Variants in RBM19 observed in about 807,000 individuals in gnomAD.
RBM19 encodes the protein RNA binding motif protein 19.
Under a neutral mutation model 116.8 loss-of-function variants are expected in RBM19, and 94 were observed. The observed-to-expected ratio is 0.80, with a 90% CI of 0.68 to 0.95. The LOEUF is 0.95. RBM19 is among the 40% of genes least tolerant of loss of function. RBM19 has a pLI of 0.00. For missense variants in RBM19, 1,161 were observed against 1,220.7 expected (o/e 0.95, Z 0.73); for synonymous variants, 475 against 494.1 (o/e 0.96, Z 0.51).
intron 8 of RBM19, 26 bp downstream of exon 8, chr12:113,952,486 C>T (rs1356701311): frequency 2.5e-6 from 4 of 1,594,322 alleles, no homozygotes; most frequent in Admixed American, 1.7e-5. Context: ...ACCCGCCTTC[C>T]CACCTGGAAA....
chr12:113,924,947 G>A (rs776840368), intron 17 of RBM19, among the ~76,000 whole-genome samples, 190 bp from the exon 18 acceptor site: 8 of 152,112 alleles, frequency 5.3e-5, no homozygotes, highest in Non-Finnish European at 7.3e-5. Context: ...AAGAGCAGCT[G>A]GGCTTGTTTC....
At chr12:113,847,449 C>T (rs939421348) in intron 22 of RBM19, among the ~76,000 whole-genome samples, 6 of 152,036 alleles carry the variant, frequency 3.9e-5, no homozygotes, top group African/African-American at 1.5e-4. Flanking sequence ...CCGAAATGGC[C>T]CATTCAGAGC....
At chr12:113,860,892 T>G (rs879493218) in intron 21 of RBM19, among the ~76,000 whole-genome samples, 1 of 152,154 alleles carries the variant, frequency 6.6e-6, no homozygotes, top group Non-Finnish European at 1.5e-5. Flanking sequence ...AGCCTGAAGG[T>G]GTTTTGGAAC....
At chr12:113,944,861 AAAAATG>A (rs1165667228) in intron 13 of RBM19, among the ~76,000 whole-genome samples, 1,615 of 107,660 alleles carry the variant, frequency 0.015, 1 homozygote, top group African/African-American at 0.06. Context: ...ATGTATATAT[AAAAATG>A]TATATATATA....
chr12:113,901,023 GT>G (rs1253072227), intron 21 of RBM19, among the ~76,000 whole-genome samples: 3 of 152,162 alleles, frequency 2.0e-5, no homozygotes, highest in Admixed American at 2.0e-4. Context: ...GCCTAAGAAA[GT>G]TCCGCACTGG....
At chr12:113,952,659 G>A in intron 7 of RBM19, 69 bp from the exon 8 acceptor site, 1 of 1,250,844 alleles carries the variant, frequency 8.0e-7, no homozygotes, top group Non-Finnish European at 1.2e-6. Context: ...AAAGACATGG[G>A]GCAAATTTCT....
chr12:113,960,613 T>C (rs1203052734), intron 2 of RBM19, among the ~76,000 whole-genome samples: 1 of 152,206 alleles, frequency 6.6e-6, no homozygotes, highest in Non-Finnish European at 1.5e-5. Context: ...CTCTGGGCTC[T>C]GGAACCTGAG....
intron 17 of RBM19, among the ~76,000 whole-genome samples, chr12:113,926,438 A>G (rs2135877185): frequency 6.6e-6 from 1 of 152,248 alleles, no homozygotes; most frequent in South Asian, 2.1e-4. Flanking sequence ...CAGTCTCCTG[A>G]GGGAGGTGCC....
At chr12:113,878,662 CA>C (rs1879845175) in intron 21 of RBM19, among the ~76,000 whole-genome samples, 2 of 151,572 alleles carry the variant, frequency 1.3e-5, no homozygotes, top group African/African-American at 4.9e-5. Flanking sequence ...CACACACACA[CA>C]CACACACACC....
rs58175905 is a variant in RBM19 at position 113,854,115 on chromosome 12, G to A, written c.2664+4676C>T. On this transcript the variant is annotated intron_variant, in intron 22 of 23. Transcript: ENST00000261741. ...TAGATTTTTCCCAGCTCTGCCAAGTGCCACTATAAGATCTTCAGCAAGCAA... is the reference window on the plus strand; with the variant it reads ...TAGATTTTTCCCAGCTCTGCCAAGTACCACTATAAGATCTTCAGCAAGCAA... 6.5e-3 allele frequency among the ~76,000 whole-genome samples: 996 copies of A among 152,150 alleles called. 12 individuals are homozygous for A. The highest frequency in any genetic ancestry group is 0.022 in the African/African-American group (926 of 41,504).
rs959676580 is a variant in RBM19, at chr12:113,914,138, A to G, written c.2558+831T>C. ...CAGGCCAGACTTGTTTTGTTTTTAA[A>G]AAGTGAATTAGTTGCTGATGAATTC... On this transcript the variant is annotated intron_variant, in intron 21 of 23. Transcript: ENST00000261741. 1.6e-4 allele frequency among the ~76,000 whole-genome samples: 24 copies of G among 152,246 alleles called. 1 individual carries two copies. Among genetic ancestry groups the G allele is most frequent in the Admixed American group, 8.5e-4 (13 of 15,288 alleles).
At chr12:113,892,122 A>G (rs927176658) in intron 21 of RBM19, among the ~76,000 whole-genome samples, 4 of 152,174 alleles carry the variant, frequency 2.6e-5, no homozygotes, top group African/African-American at 9.7e-5. Context: ...GAAGGATAAG[A>G]GGCTCTCAGC....
At chr12:113,884,105 T>C (rs2135793535) in intron 21 of RBM19, among the ~76,000 whole-genome samples, 1 of 92,212 alleles carries the variant, frequency 1.1e-5, no homozygotes, top group Non-Finnish European at 2.3e-5. Context: ...GGATACTCCA[T>C]CTCTACCAAA....
intron 21 of RBM19, among the ~76,000 whole-genome samples, chr12:113,906,986 C>T (rs1261400821): frequency 6.6e-6 from 1 of 152,050 alleles, no homozygotes; most frequent in Non-Finnish European, 1.5e-5. Context: ...CCATGCCAAG[C>T]AATAGCAGGG....
At position 113,947,467 on chromosome 12, in the gene RBM19, G is replaced by A. The variant is rs763762032; in HGVS notation, c.1277-3C>T. 3 of 1,592,478 alleles carry A rather than the reference G, an allele frequency of 1.9e-6. No homozygotes were observed. In the African/African-American group the frequency reaches 4.0e-5, roughly 21 times the overall value. On this transcript the variant is annotated splice_region_variant and splice_polypyrimidine_tract_variant and intron_variant, in intron 10 of 23. Coordinates refer to ENST00000261741, the MANE Select transcript of RBM19 (RefSeq NM_016196.4). ...GTAGTGGAGCTCAGACAGGGGACCTGAGGACAGGAGAAGTGTCGGTCTCTG... is the reference window on the plus strand; with the variant it reads ...GTAGTGGAGCTCAGACAGGGGACCTAAGGACAGGAGAAGTGTCGGTCTCTG...
At chr12:113,947,906 T>C (rs961909814) in intron 10 of RBM19, among the ~76,000 whole-genome samples, 2 of 152,204 alleles carry the variant, frequency 1.3e-5, no homozygotes, top group Non-Finnish European at 2.9e-5. Flanking sequence ...CTCTGGGTCT[T>C]TCCTTCCCAA....
At chr12:113,928,256 G>A (rs1316188122) in intron 16 of RBM19, among the ~76,000 whole-genome samples, 1 of 152,124 alleles carries the variant, frequency 6.6e-6, no homozygotes, top group Non-Finnish European at 1.5e-5. Flanking sequence ...AGAATTGCTC[G>A]AACCTGGGAG....
chr12:113,957,938 T>C lies in RBM19; in HGVS notation c.684A>G (p.Glu228=). Residue 228 remains glutamate (E), a synonymous_variant, in exon 6 of 24, where the codon GAA becomes GAG. Transcript: ENST00000261741. The part of the protein sequence containing the change: ...AGSSSSSEEE[E]SEDEAVHCDE... ...CACAGTGCACGGCTTCATCTTCACT[T>C]TCCTCTTCCTCCGAGGAAGAGGACG... The C allele has an allele frequency of 6.2e-7, 1 of 1,614,158 alleles. No individual in the cohort carries two copies. Among genetic ancestry groups the C allele is most frequent in the African/African-American group, 1.3e-5 (1 of 75,048 alleles).
At chr12:113,830,593 G>GGGGC (rs1875325701) in intron 23 of RBM19, among the ~76,000 whole-genome samples, 1 of 58,008 alleles carries the variant, frequency 1.7e-5, no homozygotes, top group Non-Finnish European at 3.4e-5. Flanking sequence ...GGGGGGGTGG[G>GGGGC]CTATGCCTGG....
Sources: gnomAD v4.1 joint callset for allele counts (sites outside exome capture counted in the v4.1 genomes callset) on GRCh38, gnomAD v4.1.1 for gene constraint, MANE v1.5 for transcripts, NCBI Gene and HGNC (gene_info 2026-07-23, HGNC 2026-07-21) for gene names.